Variants in RIMKLB observed in about 807,000 individuals in gnomAD.
RIMKLB encodes beta-citrylglutamate synthase B.
A neutral mutation model predicts 32.0 loss-of-function variants in RIMKLB; 7 were observed. The ratio of observed to expected loss-of-function variants is 0.22; its 90% CI spans 0.12 to 0.41. The LOEUF is 0.41. Among genes scored for constraint, RIMKLB ranks in the 10% least tolerant of loss-of-function variants. The probability of loss-of-function intolerance (pLI) is 1.00; values close to 1 mark genes in which losing one functional copy is unlikely to be tolerated. For synonymous variants in RIMKLB, 172 were observed against 185.1 expected (o/e 0.93, Z 0.57); for missense variants, 289 against 498.7 (o/e 0.58, Z 4.00).
At chr12:8,720,565 G>A (rs1177531863) in intron 2 of RIMKLB, among the ~76,000 whole-genome samples, 2 of 152,162 alleles carry the variant, frequency 1.3e-5, no homozygotes, top group African/African-American at 2.4e-5. Context: ...TGTGCGACAC[G>A]GAGTTTGGCT....
intron 5 of RIMKLB, among the ~76,000 whole-genome samples, chr12:8,758,237 T>C (rs74501294): frequency 1.3e-5 from 2 of 151,640 alleles, no homozygotes; most frequent in African/African-American, 4.9e-5. Context: ...ATTTTTTTTT[T>C]CCTTTTTTGT....
intron 2 of RIMKLB, among the ~76,000 whole-genome samples, chr12:8,716,431 C>CTTTTT (rs11307521): frequency 3.5e-3 from 289 of 81,452 alleles, no homozygotes; most frequent in Non-Finnish European, 3.9e-3. Flanking sequence ...ATTAACATGT[C>CTTTTT]TTTTTTTTTT....
chr12:8,678,426 G>A (rs978813811), upstream of RIMKLB, among the ~76,000 whole-genome samples: 6 of 151,884 alleles, frequency 4.0e-5, no homozygotes, highest in Admixed American at 6.6e-5. Flanking sequence ...CGCCTCCCGG[G>A]TTCAAGCGAT....
intron 1 of RIMKLB, among the ~76,000 whole-genome samples, chr12:8,704,272 A>G (rs1037652742): frequency 6.6e-6 from 1 of 151,968 alleles, no homozygotes; most frequent in Non-Finnish European, 1.5e-5. Flanking sequence ...GGTCCCAGCT[A>G]TTCAGGAGGC....
intron 5 of RIMKLB, among the ~76,000 whole-genome samples, 181 bp downstream of exon 5, chr12:8,754,274 G>A (rs537916910): frequency 2.0e-5 from 3 of 152,024 alleles, no homozygotes; most frequent in Non-Finnish European, 2.9e-5. Context: ...TATTTTTCTA[G>A]TAATATAATT....
At chr12:8,732,754 T>TACACACACAC (rs796544776) in intron 2 of RIMKLB, among the ~76,000 whole-genome samples, 5 of 144,746 alleles carry the variant, frequency 3.5e-5, no homozygotes, top group African/African-American at 1.4e-4. Flanking sequence ...ATTATATATA[T>TACACACACAC]ATACACACAC....
intron 1 of RIMKLB, among the ~76,000 whole-genome samples, chr12:8,688,760 G>T (rs1942650246): frequency 6.6e-6 from 1 of 152,088 alleles, no homozygotes; most frequent in South Asian, 2.1e-4. Flanking sequence ...TTGATCCAGG[G>T]ATTAATTGAA....
chr12:8,752,033 G>A lies in RIMKLB; in HGVS notation c.483G>A (p.Arg161=). Residue 161 remains arginine (R), a synonymous_variant, in exon 4 of 6, where the codon CGG becomes CGA. Coordinates refer to ENST00000535829, the MANE Select transcript of RIMKLB (RefSeq NM_001297776.2). ...LEFPMVVKNT[R]GHRGKAVFLA... Reference sequence around the variant, plus strand: ...TCCCAATGGTAGTAAAGAATACGCGGGGTCACAGAGGTATGTATGAGTTGT... The same window carrying A: ...TCCCAATGGTAGTAAAGAATACGCGAGGTCACAGAGGTATGTATGAGTTGT... 1 of 1,601,294 alleles carries A rather than the reference G, an allele frequency of 6.2e-7. No homozygotes were observed. Among genetic ancestry groups the A allele is most frequent in the Non-Finnish European group, 8.6e-7 (1 of 1,168,632 alleles).
chr12:8,723,106 A>T (rs1337813378), intron 2 of RIMKLB, among the ~76,000 whole-genome samples: 1 of 152,228 alleles, frequency 6.6e-6, no homozygotes, highest in African/African-American at 2.4e-5. Context: ...TAACTTTGGC[A>T]CAAGAGGTCT....
At chr12:8,672,212 A>G in the RIMKLB span, among the ~76,000 whole-genome samples, 1 of 152,146 alleles carries the variant, frequency 6.6e-6, no homozygotes, top group East Asian at 1.9e-4. Context: ...TCATTCAACA[A>G]GTCTCTAGGA....
the RIMKLB span, among the ~76,000 whole-genome samples, chr12:8,670,654 T>C: frequency 1.3e-5 from 2 of 152,230 alleles, no homozygotes; most frequent in African/African-American, 4.8e-5. Context: ...AGGTGCAAGC[T>C]GCTGGCGGAT....
At chr12:8,746,598 CAAAAAAAAA>C (rs1185862870) in intron 2 of RIMKLB, among the ~76,000 whole-genome samples, 1 of 54,958 alleles carries the variant, frequency 1.8e-5, no homozygotes, top group South Asian at 5.8e-4. Context: ...GACTCTGTCT[CAAAAAAAAA>C]AAAAAAAAAG....
At chr12:8,745,342 T>C (rs191781234) in intron 2 of RIMKLB, among the ~76,000 whole-genome samples, 2 of 151,938 alleles carry the variant, frequency 1.3e-5, no homozygotes, top group Non-Finnish European at 2.9e-5. Flanking sequence ...TTTTTTACTT[T>C]CATATTTTCA....
chr12:8,756,071 C>G (rs1948996595), intron 5 of RIMKLB, among the ~76,000 whole-genome samples: 1 of 151,254 alleles, frequency 6.6e-6, no homozygotes, highest in East Asian at 1.9e-4. Context: ...ATGAGAATCT[C>G]TTGAACCAGG....
chr12:8,730,921 G>A (rs972751975), intron 2 of RIMKLB, among the ~76,000 whole-genome samples: 19 of 151,840 alleles, frequency 1.3e-4, no homozygotes, highest in African/African-American at 3.6e-4. Context: ...TATATTTTTA[G>A]TAGAGATGGG....
intron 1 of RIMKLB, among the ~76,000 whole-genome samples, chr12:8,685,996 C>T (rs1478186291): frequency 3.3e-5 from 5 of 152,056 alleles, no homozygotes; most frequent in South Asian, 4.1e-4. Context: ...TCAGTAGAGA[C>T]GGGGTTTCAC....
chr12:8,777,617 C>T, downstream of RIMKLB: 1 of 1,288,524 alleles, frequency 7.8e-7, no homozygotes, highest in Non-Finnish European at 1.0e-6. Flanking sequence ...AAAACAAATA[C>T]AAACAAACAA....
chr12:8,683,238 G>A (rs761801595), intron 1 of RIMKLB, among the ~76,000 whole-genome samples: 7 of 152,206 alleles, frequency 4.6e-5, no homozygotes, highest in Non-Finnish European at 1.0e-4. Context: ...GCAGGTTTTT[G>A]TGTGGGCACT....
intron 5 of RIMKLB, among the ~76,000 whole-genome samples, chr12:8,767,052 T>C (rs1472272946): frequency 6.6e-6 from 1 of 151,948 alleles, no homozygotes; most frequent in Non-Finnish European, 1.5e-5. Flanking sequence ...TTGTCAGTGG[T>C]CTCAGTGTTT....
Sources: gnomAD v4.1 joint callset for allele counts (sites outside exome capture counted in the v4.1 genomes callset) on GRCh38, gnomAD v4.1.1 for gene constraint, MANE v1.5 for transcripts, NCBI Gene and HGNC (gene_info 2026-07-23, HGNC 2026-07-21) for gene names.